Variants in RGPD2 observed in about 807,000 individuals in gnomAD.
RGPD2 encodes RANBP2-like and GRIP domain-containing protein 2.
RGPD2 carries 2 observed loss-of-function variants against 36.0 expected under a neutral mutation model. The ratio of observed to expected loss-of-function variants is 0.06; its 90% CI spans 0.02 to 0.17. The LOEUF is 0.17. Ranked by LOEUF, RGPD2 falls within the 10% of genes least tolerant of loss-of-function variation. RGPD2 has a pLI of 1.00. For missense variants in RGPD2, 40 were observed against 464.3 expected (o/e 0.09, Z 8.40); for synonymous variants, 19 against 163.8 (o/e 0.12, Z 6.75).
the RGPD2 span, among the ~76,000 whole-genome samples, chr2:87,948,086 G>C: frequency 6.6e-6 from 1 of 152,238 alleles, no homozygotes; most frequent in Non-Finnish European, 1.5e-5. Context: ...CGTTACATTA[G>C]GTTGGTGCAA....
At chr2:87,807,465 C>T (rs556749280) in intron 6 of RGPD2, among the ~76,000 whole-genome samples, 43 of 146,918 alleles carry the variant, frequency 2.9e-4, no homozygotes, top group Middle Eastern at 7.0e-3. Flanking sequence ...AAGCTCACTG[C>T]AACCTCCACC....
the RGPD2 span, among the ~76,000 whole-genome samples, chr2:87,940,995 C>T: frequency 6.6e-6 from 1 of 151,842 alleles, no homozygotes; most frequent in South Asian, 2.1e-4. Flanking sequence ...CCAAAAATGG[C>T]AATTAAGACA....
the RGPD2 span, among the ~76,000 whole-genome samples, chr2:87,883,994 C>T: frequency 6.6e-6 from 1 of 151,752 alleles, no homozygotes; most frequent in Non-Finnish European, 1.5e-5. Flanking sequence ...ACAGGATATA[C>T]GTTTTTCTCA....
chr2:87,970,301 A>G, the RGPD2 span, among the ~76,000 whole-genome samples: 1 of 151,718 alleles, frequency 6.6e-6, no homozygotes, highest in Non-Finnish European at 1.5e-5. Context: ...ATATGTGTAT[A>G]CATATTTATA....
the RGPD2 span, among the ~76,000 whole-genome samples, chr2:87,933,676 A>T: frequency 6.7e-6 from 1 of 149,104 alleles, no homozygotes; most frequent in Admixed American, 6.8e-5. Context: ...GTAGTGTTTA[A>T]GTTCTGAGTT....
chr2:87,845,936 A>G, the RGPD2 span, among the ~76,000 whole-genome samples: 1 of 151,692 alleles, frequency 6.6e-6, no homozygotes. Flanking sequence ...AAATATCTTT[A>G]TTGTGATTTT....
the RGPD2 span, among the ~76,000 whole-genome samples, chr2:87,967,676 C>CT: frequency 2.9e-4 from 43 of 146,120 alleles, 2 homozygotes; most frequent in African/African-American, 8.8e-4. Flanking sequence ...CTTACCATAG[C>CT]TTTTTTTTGA....
chr2:87,868,734 T>C, the RGPD2 span, among the ~76,000 whole-genome samples: 1 of 151,820 alleles, frequency 6.6e-6, no homozygotes, highest in East Asian at 1.9e-4. Flanking sequence ...GAAAAACTCT[T>C]TACCCAAATA....
At chr2:87,966,788 A>G in the RGPD2 span, among the ~76,000 whole-genome samples, 1 of 115,538 alleles carries the variant, frequency 8.7e-6, no homozygotes, top group South Asian at 3.6e-4. Context: ...TTAGCCAGGC[A>G]TGGTGGCAGG....
chr2:87,854,914 G>T, the RGPD2 span, among the ~76,000 whole-genome samples: 1 of 152,164 alleles, frequency 6.6e-6, no homozygotes, highest in Non-Finnish European at 1.5e-5. Context: ...TGTATGTGAT[G>T]ATTTGATATA....
chr2:87,974,965 C>T, the RGPD2 span, among the ~76,000 whole-genome samples: 1 of 152,106 alleles, frequency 6.6e-6, no homozygotes, highest in Non-Finnish European at 1.5e-5. Context: ...CCCCCATTAG[C>T]TCCCAGGTCA....
the RGPD2 span, among the ~76,000 whole-genome samples, chr2:87,983,211 T>G: frequency 2.0e-5 from 3 of 152,050 alleles, no homozygotes; most frequent in Non-Finnish European, 4.4e-5. Flanking sequence ...TCCCAGCTAC[T>G]CGGGAGGCTG....
chr2:87,909,711 AT>A, the RGPD2 span, among the ~76,000 whole-genome samples: 2 of 120,796 alleles, frequency 1.7e-5, no homozygotes, highest in African/African-American at 6.2e-5. Flanking sequence ...GCTCTTTTTA[AT>A]GCATTGCCTA....
At chr2:87,976,518 C>T in the RGPD2 span, among the ~76,000 whole-genome samples, 4,975 of 151,426 alleles carry the variant, frequency 0.033, 259 homozygotes, top group African/African-American at 0.11. Flanking sequence ...GCTGTGCAAA[C>T]TTAATGAAGA....
chr2:87,843,617 C>T, the RGPD2 span, among the ~76,000 whole-genome samples: 1 of 150,086 alleles, frequency 6.7e-6, no homozygotes, highest in African/African-American at 2.5e-5. Context: ...GTTGGTGGGA[C>T]TGTAAACTAG....
At chr2:87,957,581 C>T in the RGPD2 span, among the ~76,000 whole-genome samples, 1 of 152,028 alleles carries the variant, frequency 6.6e-6, no homozygotes, top group Non-Finnish European at 1.5e-5. Context: ...TTTATAAAGT[C>T]ATTCATCCCA....
At chr2:87,983,386 C>A in the RGPD2 span, among the ~76,000 whole-genome samples, 5 of 136,590 alleles carry the variant, frequency 3.7e-5, no homozygotes, top group Non-Finnish European at 6.3e-5. Context: ...AAGGAAATTG[C>A]AGACAGCAAT....
At chr2:87,875,624 A>C in the RGPD2 span, among the ~76,000 whole-genome samples, 1 of 152,172 alleles carries the variant, frequency 6.6e-6, no homozygotes, top group Non-Finnish European at 1.5e-5. Flanking sequence ...CCTTTTATTG[A>C]AAAATTTTTA....
chr2:87,888,572 T>G, the RGPD2 span, among the ~76,000 whole-genome samples: 1 of 67,160 alleles, frequency 1.5e-5, no homozygotes, highest in East Asian at 3.6e-4. Flanking sequence ...TATTTCTTCT[T>G]AAAAATATTT....
Sources: gnomAD v4.1 joint callset for allele counts (sites outside exome capture counted in the v4.1 genomes callset) on GRCh38, gnomAD v4.1.1 for gene constraint, MANE v1.5 for transcripts, NCBI Gene and HGNC (gene_info 2026-07-23, HGNC 2026-07-21) for gene names.